SLC38A9: variants seen among roughly 807,000 people sequenced by gnomAD.
SLC38A9 encodes the protein solute carrier family 38 member 9, also known as neutral amino acid transporter 9.
A neutral mutation model predicts 62.3 loss-of-function variants in SLC38A9; 48 were observed. That is an observed-to-expected ratio of 0.77 (90% CI 0.61 to 0.98). SLC38A9 has a LOEUF of 0.98. Ranked by LOEUF, SLC38A9 falls within the 50% of genes least tolerant of loss-of-function variation. SLC38A9 has a pLI of 0.00. For missense variants in SLC38A9, 541 were observed against 679.8 expected (o/e 0.80, Z 2.27); for synonymous variants, 204 against 227.7 (o/e 0.90, Z 0.94).
rs1389946955 is a variant in SLC38A9, at chr5:55,661,601, A to G, written c.697+3092T>C. On this transcript the variant is annotated intron_variant, in intron 8 of 15. Transcript: ENST00000396865. ...GTGTACCAACTGATAAAATCAATGC[A>G]ATTCCAGTCAAGTTCTGATTGGAAT... Among the ~76,000 whole-genome samples, 3 of 152,184 alleles carry G rather than the reference A, an allele frequency of 2.0e-5. No individual in the cohort carries two copies. The East Asian group carries it at 5.8e-4, about 29-fold the overall frequency.
Position 55,689,894 on chromosome 5 carries a change from A to G in SLC38A9, c.113+7952T>C, listed in dbSNP as rs572686755. Among the ~76,000 whole-genome samples, 44 of 152,340 alleles carry G rather than the reference A, an allele frequency of 2.9e-4. No homozygotes were observed. In the South Asian group the frequency reaches 8.7e-3, roughly 30 times the overall value. On this transcript the variant is annotated intron_variant, in intron 3 of 15. Transcript: ENST00000396865. Reference sequence around the variant, plus strand: ...TCATAATAATAATGAGACAGGAAGAAAAGATGATAAAGCAAAACTAGCTTC... The same window carrying G: ...TCATAATAATAATGAGACAGGAAGAGAAGATGATAAAGCAAAACTAGCTTC...
intron 14 of SLC38A9, among the ~76,000 whole-genome samples, chr5:55,630,118 T>A (rs1409820066): frequency 1.3e-5 from 2 of 152,170 alleles, no homozygotes; most frequent in Non-Finnish European, 2.9e-5. Context: ...AAGAAGAATA[T>A]CCACAATTAT....
intron 8 of SLC38A9, 46 bp from the exon 9 acceptor site, chr5:55,656,820 C>G: frequency 1.0e-6 from 1 of 966,312 alleles, no homozygotes; most frequent in Non-Finnish European, 1.6e-6. Context: ...ATGAAAGACA[C>G]TAAATCTATT....
intron 3 of SLC38A9, among the ~76,000 whole-genome samples, chr5:55,676,474 G>A (rs1267941223): frequency 6.6e-6 from 1 of 152,130 alleles, no homozygotes; most frequent in African/African-American, 2.4e-5. Context: ...CACCATACTG[G>A]CCTATAAATT....
intron 3 of SLC38A9, among the ~76,000 whole-genome samples, chr5:55,690,678 C>G (rs908226749): frequency 5.3e-5 from 8 of 152,188 alleles, no homozygotes; most frequent in African/African-American, 1.9e-4. Flanking sequence ...TACTTCCAAT[C>G]ACTGTCACTG....
intron 15 of SLC38A9, among the ~76,000 whole-genome samples, chr5:55,627,441 TCTTA>T (rs1403959223): frequency 2.6e-5 from 4 of 152,126 alleles, no homozygotes; most frequent in Non-Finnish European, 5.9e-5. Flanking sequence ...GGGTCTAAAT[TCTTA>T]CTTAAACTCT....
At chr5:55,626,895 T>G (rs1156245072) in intron 15 of SLC38A9, among the ~76,000 whole-genome samples, 1 of 152,184 alleles carries the variant, frequency 6.6e-6, no homozygotes, top group Non-Finnish European at 1.5e-5. Context: ...AGACTTTTTA[T>G]TCATCCCTCA....
rs544002387 is a variant in SLC38A9 at position 55,684,712 on chromosome 5, G to A, written c.114-12017C>T. The stretch of plus-strand genomic sequence containing the variant: ...TCTGTCGCCCAGGCTGGAGTGCAGC[G>A]GTGCAATCTCAGCTCACTGCAGTCT... On this transcript the variant is annotated intron_variant, in intron 3 of 15. Transcript: ENST00000396865. Among the ~76,000 whole-genome samples, 13 of 152,240 alleles carry A rather than the reference G, an allele frequency of 8.5e-5. No individual in the cohort carries two copies. In the East Asian group the frequency reaches 9.6e-4, roughly 11 times the overall value.
At chr5:55,663,867 T>C (rs1294870068) in intron 8 of SLC38A9, among the ~76,000 whole-genome samples, 2 of 152,262 alleles carry the variant, frequency 1.3e-5, no homozygotes, top group Non-Finnish European at 2.9e-5. Flanking sequence ...GTTGTGATTA[T>C]GTTAGGACTT....
intron 3 of SLC38A9, among the ~76,000 whole-genome samples, chr5:55,675,922 A>G (rs1448729393): frequency 6.6e-6 from 1 of 152,176 alleles, no homozygotes; most frequent in Non-Finnish European, 1.5e-5. Flanking sequence ...TAACAATGCC[A>G]TCACTCTTAA....
chr5:55,629,417 TA>T (rs1190590122), intron 14 of SLC38A9, among the ~76,000 whole-genome samples: 1 of 152,054 alleles, frequency 6.6e-6, no homozygotes, highest in Non-Finnish European at 1.5e-5. Flanking sequence ...CTCCAAAGTA[TA>T]AAAAAAGTCC....
intron 4 of SLC38A9, among the ~76,000 whole-genome samples, chr5:55,670,700 G>A (rs1015059615): frequency 6.6e-6 from 1 of 152,134 alleles, no homozygotes; most frequent in African/African-American, 2.4e-5. Context: ...CAATATACAT[G>A]CAGGTATAAA....
At chr5:55,710,067 C>CAAAAAAAAAAAAAAAAAAA (rs1174162436) in intron 2 of SLC38A9, among the ~76,000 whole-genome samples, 2 of 20,858 alleles carry the variant, frequency 9.6e-5, no homozygotes, top group African/African-American at 1.3e-4. Context: ...GACTCCATCT[C>CAAAAAAAAAAAAAAAAAAA]AAAAAAAAAA....
At chr5:55,655,501 A>G (rs1748244731) in intron 9 of SLC38A9, among the ~76,000 whole-genome samples, 1 of 152,182 alleles carries the variant, frequency 6.6e-6, no homozygotes, top group South Asian at 2.1e-4. Context: ...AGATTTTAGG[A>G]TAATAATTCA....
intron 3 of SLC38A9, among the ~76,000 whole-genome samples, chr5:55,677,441 G>T (rs1419188534): frequency 6.6e-6 from 1 of 152,084 alleles, no homozygotes; most frequent in Non-Finnish European, 1.5e-5. Flanking sequence ...AAGACTTCAG[G>T]ACCTTCCTAA....
chr5:55,689,006 C>T (rs1216727523), intron 3 of SLC38A9, among the ~76,000 whole-genome samples: 4 of 152,022 alleles, frequency 2.6e-5, no homozygotes, highest in African/African-American at 9.7e-5. Context: ...TTTTGATAGA[C>T]ATAAGTAAAA....
chr5:55,710,996 T>C (rs192039891), intron 2 of SLC38A9, among the ~76,000 whole-genome samples: 10 of 151,174 alleles, frequency 6.6e-5, no homozygotes, highest in African/African-American at 2.4e-4. Flanking sequence ...CTGAAGGTAT[T>C]AAAAAGAAAA....
intron 3 of SLC38A9, 75 bp downstream of exon 3, chr5:55,697,769 CAT>C (rs1002492546): frequency 2.3e-5 from 15 of 661,708 alleles, no homozygotes; most frequent in Non-Finnish European, 3.5e-5. Flanking sequence ...CAAATCTATA[CAT>C]GTTTGGTTAT....
intron 8 of SLC38A9, among the ~76,000 whole-genome samples, chr5:55,659,202 T>C (rs1416145744): frequency 2.0e-5 from 3 of 151,448 alleles, no homozygotes; most frequent in Admixed American, 2.0e-4. Context: ...TTATGAACAA[T>C]ATAAGGATAT....
Sources: allele counts gnomAD v4.1 joint callset (sites outside exome capture counted in the v4.1 genomes callset), GRCh38; gene constraint gnomAD v4.1.1; transcripts MANE v1.5; gene names NCBI Gene and HGNC (gene_info 2026-07-23, HGNC 2026-07-21).